Variants in ASCC3 observed in about 807,000 individuals in gnomAD.
The protein encoded by ASCC3 is ASC-1 complex subunit P200.
ASCC3 carries 158 observed loss-of-function variants against 256.3 expected under a neutral mutation model. The observed-to-expected ratio is 0.62, with a 90% CI of 0.54 to 0.70. The LOEUF (loss-of-function observed/expected upper bound fraction) is 0.70. ASCC3 is among the 30% of genes least tolerant of loss of function. ASCC3 has a pLI of 0.00. For missense variants in ASCC3, 2,259 were observed against 2,626.0 expected (o/e 0.86, Z 3.05); for synonymous variants, 948 against 883.4 (o/e 1.07, Z -1.30).
At chr6:100,542,029 A>C (rs1018189448) in intron 36 of ASCC3, among the ~76,000 whole-genome samples, 1 of 152,220 alleles carries the variant, frequency 6.6e-6, no homozygotes. Context: ...AATTTAAAAA[A>C]TCAACACAAC....
At chr6:100,554,552 T>C (rs922006500) in intron 36 of ASCC3, among the ~76,000 whole-genome samples, 1 of 152,174 alleles carries the variant, frequency 6.6e-6, no homozygotes, top group Non-Finnish European at 1.5e-5. Flanking sequence ...GTAAAACTTA[T>C]AAAGTTAATG....
chr6:100,682,508 T>C (rs1178387495), intron 13 of ASCC3, among the ~76,000 whole-genome samples: 2 of 152,152 alleles, frequency 1.3e-5, no homozygotes, highest in African/African-American at 2.4e-5. Flanking sequence ...ACTTAGGCAG[T>C]TGAACCAAAG....
intron 38 of ASCC3, 88 bp from the exon 39 acceptor site, chr6:100,516,415 T>C: frequency 6.7e-7 from 1 of 1,487,248 alleles, no homozygotes; most frequent in Non-Finnish European, 9.2e-7. Flanking sequence ...ATTATAGCTT[T>C]TTTTGTTTTA....
At position 100,706,450 on chromosome 6, in the gene ASCC3, C is replaced by A. The variant is rs187488791; in HGVS notation, c.2151+9012G>T. On this transcript the variant is annotated intron_variant, in intron 13 of 41. Coordinates refer to ENST00000369162, the MANE Select transcript of ASCC3 (RefSeq NM_006828.4). ...AGTTAAGGTCAAAGAAAAAAATAATCCTTTACGAGGTTCCAAGTTCCTGAA... is the reference window on the plus strand; with the variant it reads ...AGTTAAGGTCAAAGAAAAAAATAATACTTTACGAGGTTCCAAGTTCCTGAA... Among the ~76,000 whole-genome samples the A allele has an allele frequency of 7.9e-4, 120 of 151,430 alleles. 1 individual carries two copies. The highest frequency in any genetic ancestry group is 6.8e-3 in the Middle Eastern group (2 of 294).
chr6:100,611,951 T>C (rs1437401868), intron 30 of ASCC3, among the ~76,000 whole-genome samples: 1 of 151,952 alleles, frequency 6.6e-6, no homozygotes, highest in Non-Finnish European at 1.5e-5. Flanking sequence ...TTATTTGTTG[T>C]AATGTATAGG....
intron 4 of ASCC3, among the ~76,000 whole-genome samples, chr6:100,808,923 G>A (rs1441504104): frequency 2.6e-5 from 4 of 151,966 alleles, no homozygotes; most frequent in Admixed American, 2.6e-4. Context: ...ACATGCAATG[G>A]TAAGTATTGG....
At chr6:100,565,054 T>G (rs1292991694) in intron 36 of ASCC3, among the ~76,000 whole-genome samples, 10 of 152,198 alleles carry the variant, frequency 6.6e-5, no homozygotes, top group Non-Finnish European at 1.5e-4. Flanking sequence ...ATTTGCCTAA[T>G]TATTCAGGAA....
intron 4 of ASCC3, among the ~76,000 whole-genome samples, chr6:100,828,398 T>C (rs1009712283): frequency 2.0e-5 from 3 of 152,160 alleles, no homozygotes; most frequent in African/African-American, 2.4e-5. Context: ...AGACTTCCAG[T>C]GGGTGTCTGA....
At chr6:100,865,356 A>G (rs1773426906) in intron 2 of ASCC3, among the ~76,000 whole-genome samples, 1 of 152,228 alleles carries the variant, frequency 6.6e-6, no homozygotes, top group Admixed American at 6.5e-5. Context: ...ATAAGCTTGT[A>G]GTACTTACAC....
At chr6:100,585,349 C>T (rs1771590642) in intron 36 of ASCC3, among the ~76,000 whole-genome samples, 1 of 152,174 alleles carries the variant, frequency 6.6e-6, no homozygotes, top group Non-Finnish European at 1.5e-5. Context: ...ATCGCTGATA[C>T]CCTTTCTTCC....
Position 100,516,283 on chromosome 6 carries a change from G to A in ASCC3, c.5972C>T (p.Thr1991Ile), listed in dbSNP as rs1357876547. Residue 1991 changes from threonine (T) to isoleucine (I), a missense_variant, in exon 39 of 42, where the codon ACC becomes ATC. Coordinates refer to ENST00000369162, the MANE Select transcript of ASCC3 (RefSeq NM_006828.4). ...IMKGPHARGR[T>I]SIESLPELIH... Reference sequence around the variant, plus strand: ...CAGTTCAGGAAGGGACTCGATGGAGGTCCGACCCCTAGCATGTGGGCCCTT... The same window carrying A: ...CAGTTCAGGAAGGGACTCGATGGAGATCCGACCCCTAGCATGTGGGCCCTT... The A allele has an allele frequency of 6.2e-7, 1 of 1,613,750 alleles. No homozygotes were observed. The highest frequency in any genetic ancestry group is 1.3e-5 in the African/African-American group (1 of 74,990).
intron 4 of ASCC3, among the ~76,000 whole-genome samples, chr6:100,842,951 G>A (rs932009710): frequency 6.6e-6 from 1 of 151,890 alleles, no homozygotes. Flanking sequence ...CTCCAGCCTG[G>A]GTGACAGAAT....
Position 100,800,512 on chromosome 6 carries a change from G to A in ASCC3, c.923-8C>T, listed in dbSNP as rs550980681. ...AAATTTTTTTACAATTGTCTAAGAA[G>A]CAAATTTAAGAAACACAATGTTTTA... On this transcript the variant is annotated splice_polypyrimidine_tract_variant and splice_region_variant and intron_variant, in intron 5 of 41. Coordinates refer to ENST00000369162, the MANE Select transcript of ASCC3 (RefSeq NM_006828.4). 134 of 1,576,552 alleles carry A rather than the reference G, an allele frequency of 8.5e-5. 2 individuals are homozygous for A. The South Asian group carries it at 1.4e-3, about 16-fold the overall frequency.
intron 10 of ASCC3, among the ~76,000 whole-genome samples, chr6:100,745,594 C>A (rs576612527): frequency 6.6e-6 from 1 of 152,000 alleles, no homozygotes; most frequent in Admixed American, 6.6e-5. Context: ...ATCATGCTTT[C>A]TTTAAGCATA....
chr6:100,818,577 A>AAT (rs1163645599), intron 4 of ASCC3, among the ~76,000 whole-genome samples: 2 of 150,258 alleles, frequency 1.3e-5, no homozygotes, highest in Non-Finnish European at 3.0e-5. Context: ...TCAAAAAAAA[A>AAT]AAAAAAAGAA....
At chr6:100,849,585 G>T (rs938287982) in intron 3 of ASCC3, among the ~76,000 whole-genome samples, 5 of 152,098 alleles carry the variant, frequency 3.3e-5, no homozygotes, top group African/African-American at 1.2e-4. Context: ...CTGTTTAAAA[G>T]AGGCTAGAAG....
chr6:100,535,759 G>A (rs961045254), intron 37 of ASCC3, among the ~76,000 whole-genome samples: 7 of 152,044 alleles, frequency 4.6e-5, no homozygotes, highest in Non-Finnish European at 7.4e-5. Flanking sequence ...GAGCCATGGC[G>A]CCCAGCAGAA....
Position 100,639,988 on chromosome 6 carries a change from G to A in ASCC3, c.3902-1167C>T, listed in dbSNP as rs550041248. 9.2e-4 allele frequency among the ~76,000 whole-genome samples: 140 copies of A among 152,122 alleles called. 6 individuals carry two copies. The South Asian group carries it at 0.028, about 30-fold the overall frequency. On this transcript the variant is annotated intron_variant, in intron 24 of 41. Transcript: ENST00000369162. ...AAATTAACTGGGCGTGGTGGTGGGC[G>A]CCTGTAATCCCAGCTACTCGGGAGG... is the stretch of plus-strand genomic sequence containing the variant.
intron 10 of ASCC3, among the ~76,000 whole-genome samples, chr6:100,750,321 C>G (rs1489763552): frequency 6.6e-6 from 1 of 151,984 alleles, no homozygotes; most frequent in Non-Finnish European, 1.5e-5. Context: ...GAAAATATCA[C>G]AGATACTAAT....
Sources: gnomAD v4.1 joint callset for allele counts (sites outside exome capture counted in the v4.1 genomes callset) on GRCh38, gnomAD v4.1.1 for gene constraint, MANE v1.5 for transcripts, NCBI Gene and HGNC (gene_info 2026-07-23, HGNC 2026-07-21) for gene names.